The following RHEB variants were observed in gnomAD, a reference collection of about 807,000 sequenced individuals.
RHEB encodes the protein Ras homolog, mTORC1 binding.
In RHEB, 2 loss-of-function variants were observed where a neutral mutation model predicts 28.8. The observed-to-expected ratio is 0.07, with a 90% CI of 0.03 to 0.22. The LOEUF (loss-of-function observed/expected upper bound fraction) is 0.22, where lower values mean the gene tolerates loss of function less well. Ranked by LOEUF, RHEB falls within the 10% of genes least tolerant of loss-of-function variation. The pLI is 1.00. For missense variants in RHEB, 76 were observed against 219.9 expected (o/e 0.35, Z 4.14); for synonymous variants, 69 against 77.3 (o/e 0.89, Z 0.56).
At chr7:151,511,091 T>TA (rs377470867) in intron 1 of RHEB, among the ~76,000 whole-genome samples, 6,110 of 139,306 alleles carry the variant, frequency 0.044, 275 homozygotes, top group African/African-American at 0.13. Context: ...AAATAAAAAA[T>TA]AAAAAAAAAA....
chr7:151,501,989 G>A, intron 1 of RHEB: 1 of 569,144 alleles, frequency 1.8e-6, no homozygotes, highest in Non-Finnish European at 3.3e-6. Flanking sequence ...TGTAATCCCA[G>A]CACTTTGAGG....
chr7:151,491,607 G>A (rs1441054640), intron 1 of RHEB, among the ~76,000 whole-genome samples: 2 of 151,924 alleles, frequency 1.3e-5, no homozygotes, highest in Non-Finnish European at 2.9e-5. Flanking sequence ...TGTGGTGGCG[G>A]GCACCTGTAA....
chr7:151,490,750 T>C (rs1477654650), intron 2 of RHEB, among the ~76,000 whole-genome samples, 193 bp downstream of exon 2: 2 of 152,210 alleles, frequency 1.3e-5, no homozygotes, highest in Non-Finnish European at 2.9e-5. Context: ...AATTTCTAGA[T>C]GGCAGGGGAT....
At chr7:151,503,287 G>C in intron 1 of RHEB, 1 of 792,860 alleles carries the variant, frequency 1.3e-6, no homozygotes, top group Non-Finnish European at 2.3e-6. Context: ...GGAATGGTTT[G>C]CTAACAACTA....
At chr7:151,499,431 G>C (rs1359470121) in intron 1 of RHEB, among the ~76,000 whole-genome samples, 1 of 152,174 alleles carries the variant, frequency 6.6e-6, no homozygotes, top group Admixed American at 6.5e-5. Flanking sequence ...AGTGGGTAAA[G>C]GTTTAGGATT....
At chr7:151,510,803 G>A (rs1415379012) in intron 1 of RHEB, among the ~76,000 whole-genome samples, 2 of 152,180 alleles carry the variant, frequency 1.3e-5, no homozygotes, top group African/African-American at 2.4e-5. Context: ...GCAAAATACA[G>A]GTGCAGTGGC....
intron 1 of RHEB, among the ~76,000 whole-genome samples, chr7:151,517,604 G>C (rs1803104346): frequency 6.6e-6 from 1 of 150,566 alleles, no homozygotes; most frequent in South Asian, 2.1e-4. Context: ...GGGGTGGCCT[G>C]TCACATCTCC....
At chr7:151,498,366 A>T (rs745919724) in intron 1 of RHEB, among the ~76,000 whole-genome samples, 2 of 152,144 alleles carry the variant, frequency 1.3e-5, no homozygotes, top group Non-Finnish European at 2.9e-5. Context: ...AATCCTAGCA[A>T]TTTTGGAGAC....
Position 151,467,099 on chromosome 7 carries a change from C to A in RHEB, c.*20G>T, listed in dbSNP as rs769340964. 1.3e-6 allele frequency: 2 copies of A among 1,581,092 alleles called. No homozygotes were observed. Among genetic ancestry groups the A allele is most frequent in the Non-Finnish European group, 1.7e-6 (2 of 1,150,056 alleles). On this transcript the variant is annotated 3_prime_UTR_variant, in exon 8 of 8. Coordinates refer to ENST00000262187, the MANE Select transcript of RHEB (RefSeq NM_005614.4). ...TTCAGGTAGAATATATTCCCAGTGT[C>A]CTCAGGCTTTGCAGCAGAATCACAT...
intron 1 of RHEB, among the ~76,000 whole-genome samples, chr7:151,492,698 C>T (rs1802605758): frequency 6.6e-6 from 1 of 152,016 alleles, no homozygotes. Context: ...TCCTTATCCG[C>T]AGCCCAATAC....
chr7:151,492,821 T>G (rs1802607846), intron 1 of RHEB, among the ~76,000 whole-genome samples: 2 of 150,048 alleles, frequency 1.3e-5, no homozygotes, highest in African/African-American at 2.4e-5. Context: ...TCATTGCAAT[T>G]AGAATAAATT....
intron 2 of RHEB, among the ~76,000 whole-genome samples, chr7:151,488,361 G>T (rs1450814392): frequency 6.7e-6 from 1 of 149,338 alleles, no homozygotes; most frequent in East Asian, 1.9e-4. Context: ...TCACCACTGA[G>T]TGTTTGCTAT....
chr7:151,500,882 G>A (rs932679659), intron 1 of RHEB, among the ~76,000 whole-genome samples: 6 of 152,132 alleles, frequency 3.9e-5, no homozygotes, highest in African/African-American at 7.2e-5. Flanking sequence ...TACTGGGGAG[G>A]ATGAGGTGGA....
At position 151,501,287 on chromosome 7, in the gene RHEB, G is replaced by A. The variant is rs151141908; in HGVS notation, c.53-10273C>T. 2.0e-5 allele frequency among the ~76,000 whole-genome samples: 3 copies of A among 152,272 alleles called. No homozygotes were observed. In the East Asian group the frequency reaches 5.8e-4, roughly 29 times the overall value. Reference sequence around the variant, plus strand: ...CAAGAAACAATCCAATTAAGAAAGTGAGCAAAAGATCTGAACACTTTAACA... The same window carrying A: ...CAAGAAACAATCCAATTAAGAAAGTAAGCAAAAGATCTGAACACTTTAACA... On this transcript the variant is annotated intron_variant, in intron 1 of 7. Transcript: ENST00000262187.
chr7:151,515,491 A>C (rs1803062198), intron 1 of RHEB, among the ~76,000 whole-genome samples: 2 of 152,236 alleles, frequency 1.3e-5, no homozygotes, highest in African/African-American at 4.8e-5. Flanking sequence ...TCTTGTGCAG[A>C]ACAATGAATG....
intron 2 of RHEB, 72 bp from the exon 3 acceptor site, chr7:151,484,876 A>T: frequency 2.0e-6 from 2 of 1,005,750 alleles, no homozygotes; most frequent in Non-Finnish European, 3.1e-6. Context: ...TTGAACAATG[A>T]CAACCAATCA....
intron 1 of RHEB, among the ~76,000 whole-genome samples, chr7:151,518,709 A>C (rs1159086419): frequency 1.3e-5 from 2 of 152,284 alleles, no homozygotes; most frequent in Admixed American, 1.3e-4. Flanking sequence ...AAGAAAAAGA[A>C]AACAAAAAGA....
intron 1 of RHEB, among the ~76,000 whole-genome samples, chr7:151,518,747 G>GC (rs1481698921): frequency 6.6e-6 from 1 of 152,184 alleles, no homozygotes; most frequent in African/African-American, 2.4e-5. Flanking sequence ...CAGCCTGGTT[G>GC]CAAGTACCTG....
intron 4 of RHEB, among the ~76,000 whole-genome samples, chr7:151,474,888 T>C: frequency 6.6e-6 from 1 of 152,252 alleles, no homozygotes; most frequent in East Asian, 1.9e-4. Context: ...TTCTTGTATA[T>C]TCATAAATAT....
Sources: allele counts gnomAD v4.1 joint callset (sites outside exome capture counted in the v4.1 genomes callset), GRCh38; gene constraint gnomAD v4.1.1; transcripts MANE v1.5; gene names NCBI Gene and HGNC (gene_info 2026-07-23, HGNC 2026-07-21).